GFI1B: variants seen among roughly 807,000 people sequenced by gnomAD.
The protein encoded by GFI1B is zinc finger protein Gfi-1b.
A neutral mutation model predicts 35.3 loss-of-function variants in GFI1B; 20 were observed. That is an observed-to-expected ratio of 0.57 (90% CI 0.40 to 0.82). The LOEUF (loss-of-function observed/expected upper bound fraction) is 0.82, where lower values mean the gene tolerates loss of function less well. Ranked by LOEUF, GFI1B falls within the 40% of genes least tolerant of loss-of-function variation. The pLI, the probability that GFI1B is intolerant of heterozygous loss-of-function variation, is 0.00. For synonymous variants in GFI1B, 178 were observed against 177.6 expected (o/e 1.00, Z -0.02); for missense variants, 430 against 446.3 (o/e 0.96, Z 0.33).
intron 1 of GFI1B, among the ~76,000 whole-genome samples, chr9:132,986,146 G>A (rs1849049560): frequency 6.6e-6 from 1 of 152,204 alleles, no homozygotes; most frequent in Non-Finnish European, 1.5e-5. Context: ...ATGGTTCTGG[G>A]ATCTAGAAAT....
intron 1 of GFI1B, chr9:132,952,199 T>C (rs1389601582): frequency 6.6e-6 from 1 of 152,234 alleles, no homozygotes; most frequent in Non-Finnish European, 1.5e-5. Flanking sequence ...GTTGATCTTA[T>C]ATCTTGCACC....
rs1221487604 is a variant in GFI1B, at chr9:132,970,327, ACC to A, written c.-700-2397_-700-2396del. Among the ~76,000 whole-genome samples the A allele has an allele frequency of 2.2e-3, 335 of 152,142 alleles. 4 individuals are homozygous for A. The highest frequency in any genetic ancestry group is 7.9e-3 in the African/African-American group (327 of 41,494). Reference sequence around the variant, plus strand: ...CTCTGTTTGCTGAACCTGCCCAGACACCAGGCCAGTACCTGCTGGGGGTGCTA... The same window carrying A: ...CTCTGTTTGCTGAACCTGCCCAGACAAGGCCAGTACCTGCTGGGGGTGCTA... On this transcript the variant is annotated intron_variant, in intron 1 of 10. Coordinates refer to the GFI1B transcript ENST00000339463.
chr9:132,987,497 C>T lies in GFI1B; in HGVS notation c.238+78C>T, dbSNP rs548159342. ...GATGAAGGGACTCTTGCAGCAGGGC[C>T]CCTTGGGGCCCTGGAGTCAGGAAGG... On this transcript the variant is annotated intron_variant, in intron 3 of 6. Coordinates refer to ENST00000372122, the MANE Select transcript of GFI1B (RefSeq NM_001377304.1). The T allele has an allele frequency of 6.8e-5, 104 of 1,540,202 alleles. No individual in the cohort carries two copies. The South Asian group carries it at 1.1e-3, about 16-fold the overall frequency.
In GFI1B at chr9:132,989,198, G is replaced by A; in HGVS notation, c.648G>A (p.Gln216=). 2 of 1,612,548 alleles carry A rather than the reference G, an allele frequency of 1.2e-6. No individual in the cohort carries two copies. Among genetic ancestry groups the A allele is most frequent in the Middle Eastern group, 1.7e-4 (1 of 5,886 alleles). ...SLEQHTHVHS[Q]ERSFECRMCG... ...AGCAGCACACGCACGTCCACTCCCA[G>A]GTGGGCACCTGGCCCAGCGCAGGAC... The change falls in exon 5 of 7, where the codon CAG becomes CAA. Residue 216 remains glutamine (Q), a splice_region_variant and synonymous_variant. Transcript: ENST00000372122. The surrounding 1 kb of genome is among the most constrained non-coding windows in gnomAD (Gnocchi z 6.2).
intron 1 of GFI1B, among the ~76,000 whole-genome samples, chr9:132,967,167 C>A (rs1336965811): frequency 6.6e-6 from 1 of 152,194 alleles, no homozygotes; most frequent in Non-Finnish European, 1.5e-5. Flanking sequence ...TGCCCTTCTG[C>A]CTTTCTCCAT....
At chr9:132,981,705 C>G (rs1173310308) in intron 1 of GFI1B, among the ~76,000 whole-genome samples, 1 of 152,002 alleles carries the variant, frequency 6.6e-6, no homozygotes. Flanking sequence ...TGGGCCTGAC[C>G]TGGGCTCATT....
intron 2 of GFI1B, among the ~76,000 whole-genome samples, chr9:132,973,285 G>A (rs950886091): frequency 4.6e-5 from 7 of 152,104 alleles, no homozygotes; most frequent in African/African-American, 1.4e-4. Context: ...AATATCCCAC[G>A]ACCCCCGCAC....
intron 1 of GFI1B, among the ~76,000 whole-genome samples, chr9:132,968,342 G>A (rs764903020): frequency 1.1e-4 from 16 of 151,412 alleles, no homozygotes; most frequent in Admixed American, 2.0e-4. Context: ...GGCTGGTCTC[G>A]AACTCCTGGG....
chr9:132,963,486 AATT>A (rs199870679), intron 1 of GFI1B, among the ~76,000 whole-genome samples: 6,729 of 151,720 alleles, frequency 0.044, 174 homozygotes, highest in Non-Finnish European at 0.067. Flanking sequence ...GTCTCAAAAA[AATT>A]ATTATTATTA....
chr9:132,978,247 G>A (rs542008734), upstream of GFI1B, among the ~76,000 whole-genome samples: 1 of 149,316 alleles, frequency 6.7e-6, no homozygotes, highest in South Asian at 2.1e-4. Flanking sequence ...AGGAAGGGAA[G>A]GAAGGAGGCA....
At chr9:132,962,916 C>CAAAAAAAAAAAAA (rs60268965) in intron 1 of GFI1B, among the ~76,000 whole-genome samples, 7 of 124,278 alleles carry the variant, frequency 5.6e-5, no homozygotes, top group African/African-American at 2.2e-4. Flanking sequence ...ACTAAAAATA[C>CAAAAAAAAAAAAA]AAAAAAAAAA....
intron 1 of GFI1B, among the ~76,000 whole-genome samples, chr9:132,963,366 G>A (rs922779201): frequency 6.6e-6 from 1 of 152,076 alleles, no homozygotes; most frequent in African/African-American, 2.4e-5. Flanking sequence ...TGTAGTCCCA[G>A]CTACCCAGGA....
chr9:132,977,211 G>A (rs1462033701), upstream of GFI1B, among the ~76,000 whole-genome samples: 13 of 152,020 alleles, frequency 8.6e-5, no homozygotes, highest in Admixed American at 5.9e-4. Flanking sequence ...CGCCTGCCTC[G>A]GCCTCTCAAA....
chr9:132,992,122 C>G (rs1360019872), downstream of GFI1B, among the ~76,000 whole-genome samples: 1 of 152,188 alleles, frequency 6.6e-6, no homozygotes, highest in Non-Finnish European at 1.5e-5. Context: ...CTCACCTTCC[C>G]AAGGCCGTCT....
chr9:132,977,524 G>T (rs1848666674), upstream of GFI1B, among the ~76,000 whole-genome samples: 1 of 152,206 alleles, frequency 6.6e-6, no homozygotes, highest in South Asian at 2.1e-4. Context: ...TTTTCTTTAT[G>T]AGGGAAACAT....
At chr9:132,986,515 T>C (rs1849066081) in intron 1 of GFI1B, 144 bp from the exon 2 acceptor site, 2 of 678,548 alleles carry the variant, frequency 2.9e-6, no homozygotes, top group Non-Finnish European at 5.4e-6. Flanking sequence ...AAGGTCACAT[T>C]CACAGGTTCT....
intron 1 of GFI1B, among the ~76,000 whole-genome samples, chr9:132,955,298 C>CT (rs987104465): frequency 8.0e-5 from 12 of 150,726 alleles, no homozygotes; most frequent in East Asian, 5.8e-4. Flanking sequence ...AGCATTTTTT[C>CT]TTTTTTTTTG....
chr9:132,981,040 C>T (rs1456452828), intron 1 of GFI1B, among the ~76,000 whole-genome samples: 8 of 152,150 alleles, frequency 5.3e-5, no homozygotes, highest in African/African-American at 1.9e-4. Context: ...GGATTACAGG[C>T]ACCCACCACC....
chr9:132,978,219 G>C (rs774687981), upstream of GFI1B, among the ~76,000 whole-genome samples: 1 of 150,304 alleles, frequency 6.7e-6, no homozygotes, highest in East Asian at 1.9e-4. Flanking sequence ...AAAGAAGGAG[G>C]GAGGAAGAAG....
Sources: gnomAD v4.1 joint callset for allele counts (sites outside exome capture counted in the v4.1 genomes callset) on GRCh38, gnomAD v4.1.1 for gene constraint, Gnocchi (gnomAD v3.1) non-coding constraint, MANE v1.5 for transcripts, NCBI Gene and HGNC (gene_info 2026-07-23, HGNC 2026-07-21) for gene names.